STIM1: variants seen among roughly 807,000 people sequenced by gnomAD.
STIM1 encodes stromal interaction molecule 1.
A neutral mutation model predicts 74.7 loss-of-function variants in STIM1; 25 were observed. That is an observed-to-expected ratio of 0.33 (90% CI 0.24 to 0.47). The LOEUF (loss-of-function observed/expected upper bound fraction) is 0.47. Ranked by LOEUF, STIM1 falls within the 20% of genes least tolerant of loss-of-function variation. The pLI is 1.00. For synonymous variants in STIM1, 328 were observed against 348.8 expected, an observed-to-expected ratio of 0.94 and a Z score of 0.66; for missense variants, 728 against 920.8, an observed-to-expected ratio of 0.79 and a Z score of 2.71.
Position 4,091,888 on chromosome 11 carries a change from A to ACTCTTGGGGCC in STIM1, c.*90_*91insCTCTTGGGGCC. On this transcript the variant is annotated 3_prime_UTR_variant, in exon 13 of 13. Transcript: ENST00000526596. ...CCCTTCCTTCAAGATAACTGGCCCC[A>ACTCTTGGGGCC]AGAGTGGGGCATGGGAAGGGCTGGT... 1.9e-6 allele frequency: 3 copies of ACTCTTGGGGCC among 1,556,666 alleles called. No individual in the cohort carries two copies. Among genetic ancestry groups the ACTCTTGGGGCC allele is most frequent in the Non-Finnish European group, 1.7e-6 (2 of 1,150,962 alleles).
At chr11:3,955,502 G>C (rs2093201017) in intron 1 of STIM1, among the ~76,000 whole-genome samples, 1 of 152,152 alleles carries the variant, frequency 6.6e-6, no homozygotes, top group Admixed American at 6.5e-5. Flanking sequence ...TGACTGGAAA[G>C]GGGCAAGAAG....
intron 2 of STIM1, among the ~76,000 whole-genome samples, chr11:3,990,027 A>G (rs1447984159): frequency 6.6e-6 from 1 of 152,218 alleles, no homozygotes; most frequent in East Asian, 1.9e-4. Flanking sequence ...AAGAAACCAC[A>G]TACGCATTAG....
chr11:4,069,410 A>G (rs2094389508), intron 5 of STIM1, among the ~76,000 whole-genome samples: 1 of 152,100 alleles, frequency 6.6e-6, no homozygotes, highest in South Asian at 2.1e-4. Context: ...TGTCTCATCC[A>G]TATGAATGTA....
At chr11:4,088,075 G>T (rs2094503648) in intron 12 of STIM1, among the ~76,000 whole-genome samples, 1 of 152,022 alleles carries the variant, frequency 6.6e-6, no homozygotes, top group Non-Finnish European at 1.5e-5. Context: ...GGATATTTTT[G>T]TCTTTTCACA....
In STIM1 at chr11:4,053,817, C is replaced by T. The variant is rs140404768; in HGVS notation, c.386-1709C>T. 1.9e-3 allele frequency among the ~76,000 whole-genome samples: 295 copies of T among 152,142 alleles called. 3 individuals carry two copies. Among genetic ancestry groups the T allele is most frequent in the African/African-American group, 6.7e-3 (279 of 41,516 alleles). On this transcript the variant is annotated intron_variant, in intron 3 of 12. Transcript: ENST00000526596. ...AGAGACAGGGTCTCACTGTATTGCC[C>T]AGGCTGGTCTTGAATTCTGGAGTTC...
At chr11:4,039,180 C>G (rs1010205259) in intron 3 of STIM1, among the ~76,000 whole-genome samples, 37 of 152,004 alleles carry the variant, frequency 2.4e-4, no homozygotes, top group African/African-American at 8.7e-4. Flanking sequence ...TGACTCATGC[C>G]TGCAATTCCA....
At chr11:4,055,434 A>G (rs2133082993) in intron 3 of STIM1, 92 bp from the exon 4 acceptor site, 1 of 951,698 alleles carries the variant, frequency 1.1e-6, no homozygotes, top group East Asian at 2.6e-5. Flanking sequence ...TATTAAACAC[A>G]CAAATGTGGT....
intron 8 of STIM1, 145 bp from the exon 9 acceptor site, chr11:4,082,737 T>C: frequency 1.4e-6 from 1 of 704,304 alleles, no homozygotes; most frequent in South Asian, 1.8e-5. Flanking sequence ...TGCCTGCCTT[T>C]CTCTTTTTCC....
intron 1 of STIM1, among the ~76,000 whole-genome samples, chr11:3,904,245 G>T (rs2092421695): frequency 1.3e-5 from 2 of 148,268 alleles, no homozygotes; most frequent in South Asian, 4.4e-4. Context: ...GAGAAAGGAA[G>T]GAGGGTCTAA....
At chr11:3,884,582 C>G (rs2091635758) in intron 1 of STIM1, among the ~76,000 whole-genome samples, 1 of 152,078 alleles carries the variant, frequency 6.6e-6, no homozygotes, top group Non-Finnish European at 1.5e-5. Context: ...GAACTTGGGG[C>G]CTGTTCTGTT....
At chr11:3,975,001 A>T (rs545057104) in intron 2 of STIM1, among the ~76,000 whole-genome samples, 2 of 152,172 alleles carry the variant, frequency 1.3e-5, no homozygotes, top group Admixed American at 6.5e-5. Context: ...TCATTAAACA[A>T]ATTCTTATTT....
chr11:3,967,233 A>G (rs185214440), intron 1 of STIM1, among the ~76,000 whole-genome samples: 11 of 152,274 alleles, frequency 7.2e-5, no homozygotes, highest in African/African-American at 2.4e-4. Context: ...TCCTGTGTTC[A>G]TTGGCTATTT....
At chr11:3,902,114 G>A (rs1373428595) in intron 1 of STIM1, among the ~76,000 whole-genome samples, 2 of 152,168 alleles carry the variant, frequency 1.3e-5, no homozygotes, top group African/African-American at 4.8e-5. Context: ...TGGAGATGTA[G>A]TGATGGAAAA....
chr11:4,066,550 TG>T (rs909901611), intron 5 of STIM1, among the ~76,000 whole-genome samples: 6 of 152,050 alleles, frequency 3.9e-5, no homozygotes, highest in Non-Finnish European at 8.8e-5. Context: ...GTGACTGACA[TG>T]GAAGTTGAAA....
chr11:3,946,689 C>A (rs11030366), intron 1 of STIM1, among the ~76,000 whole-genome samples: 4,819 of 152,228 alleles, frequency 0.032, 191 homozygotes, highest in East Asian at 0.18. Context: ...TAGCCATTAC[C>A]ATATCCTGCT....
chr11:3,946,162 A>T (rs1203765074), intron 1 of STIM1, among the ~76,000 whole-genome samples: 4 of 152,200 alleles, frequency 2.6e-5, no homozygotes, highest in Non-Finnish European at 4.4e-5. Flanking sequence ...GAATTTCTTG[A>T]ATAATAGTAT....
upstream of STIM1, chr11:3,854,842 G>C (rs1219150117): frequency 6.6e-6 from 1 of 152,322 alleles, no homozygotes; most frequent in Non-Finnish European, 1.5e-5. Context: ...CCAGACTCAA[G>C]GAATGTGTAG....
At position 3,916,357 on chromosome 11, in the gene STIM1, G is replaced by T. The variant is rs573721463; in HGVS notation, c.140-51195G>T. 4.6e-5 allele frequency among the ~76,000 whole-genome samples: 7 copies of T among 151,996 alleles called. No individual in the cohort carries two copies. In the East Asian group the frequency reaches 1.4e-3, roughly 29 times the overall value. The stretch of plus-strand genomic sequence containing the variant: ...GCTGGAGTGCAGTGGCGTGATCTTG[G>T]CTCACTGCCAACCTCTGCCACCTGG... On this transcript the variant is annotated intron_variant, in intron 1 of 12. Transcript: ENST00000526596.
chr11:4,086,711 C>G, intron 12 of STIM1, 168 bp downstream of exon 12: 1 of 1,536,772 alleles, frequency 6.5e-7, no homozygotes, highest in Non-Finnish European at 8.7e-7. Flanking sequence ...ATCACCACTA[C>G]CACCACCACC....
Sources: allele counts gnomAD v4.1 joint callset (sites outside exome capture counted in the v4.1 genomes callset), GRCh38; gene constraint gnomAD v4.1.1; transcripts MANE v1.5; gene names NCBI Gene and HGNC (gene_info 2026-07-23, HGNC 2026-07-21).